Variants in DIAPH2 observed in about 807,000 individuals in gnomAD.
The protein encoded by DIAPH2 is protein diaphanous homolog 2.
Under a neutral mutation model 92.7 loss-of-function variants are expected in DIAPH2, and 35 were observed. That is an observed-to-expected ratio of 0.38 (90% CI 0.29 to 0.50). The LOEUF is 0.50. Ranked by LOEUF, DIAPH2 falls within the 20% of genes least tolerant of loss-of-function variation. The pLI is 0.94. For synonymous variants in DIAPH2, 301 were observed against 280.4 expected, an observed-to-expected ratio of 1.07 and a Z score of -0.73; for missense variants, 701 against 819.5, an observed-to-expected ratio of 0.86 and a Z score of 1.77.
intron 26 of DIAPH2, among the ~76,000 whole-genome samples, chrX:97,437,188 T>C (rs1469668441): frequency 8.9e-6 from 1 of 112,054 alleles, no homozygotes; most frequent in East Asian, 2.8e-4. Flanking sequence ...TGTTTACTTC[T>C]TTCTCCCTGA....
chrX:96,904,013 A>G (rs1823142558), intron 5 of DIAPH2, among the ~76,000 whole-genome samples: 1 of 112,530 alleles, frequency 8.9e-6, no homozygotes, highest in African/African-American at 3.2e-5. Flanking sequence ...TATGCAATAT[A>G]AACAGCTAGA....
At chrX:97,544,718 C>T (rs2147859084) in intron 26 of DIAPH2, among the ~76,000 whole-genome samples, 1 of 112,012 alleles carries the variant, frequency 8.9e-6, no homozygotes, top group South Asian at 3.7e-4. Flanking sequence ...ACTACCAGAG[C>T]TTCAGCAGTG....
intron 17 of DIAPH2, among the ~76,000 whole-genome samples, chrX:96,979,990 AAC>A (rs1323705920): frequency 9.0e-6 from 1 of 110,595 alleles, no homozygotes; most frequent in Non-Finnish European, 1.9e-5. Context: ...GCAGAAGCAA[AAC>A]TCTGGTGCGG....
chrX:97,241,631 A>G (rs2068095036), intron 22 of DIAPH2, among the ~76,000 whole-genome samples: 1 of 110,553 alleles, frequency 9.0e-6, no homozygotes, highest in Non-Finnish European at 1.9e-5. Context: ...CAGAAGGACT[A>G]GTTGAAGGAA....
intron 24 of DIAPH2, among the ~76,000 whole-genome samples, chrX:97,356,631 T>A (rs763787986): frequency 8.0e-5 from 9 of 111,910 alleles, no homozygotes; most frequent in African/African-American, 2.9e-4. Flanking sequence ...CTATCAAATG[T>A]TGTATTCTCT....
At chrX:96,902,090 T>G (rs2065401512) in intron 5 of DIAPH2, among the ~76,000 whole-genome samples, 1 of 112,035 alleles carries the variant, frequency 8.9e-6, no homozygotes, top group Non-Finnish European at 1.9e-5. Context: ...TTTGCATAGC[T>G]TTGAGGGTTC....
intron 17 of DIAPH2, among the ~76,000 whole-genome samples, chrX:97,058,488 G>A (rs2066573776): frequency 1.0e-5 from 1 of 96,680 alleles, no homozygotes; most frequent in African/African-American, 3.8e-5. Flanking sequence ...TAAGTATTTA[G>A]ACTATGCTTG....
chrX:96,829,980 A>G (rs926557198), intron 4 of DIAPH2, among the ~76,000 whole-genome samples: 2 of 109,391 alleles, frequency 1.8e-5, no homozygotes, highest in Non-Finnish European at 3.8e-5. Context: ...CTGGAACGGA[A>G]GTGCACTGAA....
intron 26 of DIAPH2, among the ~76,000 whole-genome samples, chrX:97,490,847 C>T (rs1189377911): frequency 9.0e-6 from 1 of 111,487 alleles, no homozygotes; most frequent in African/African-American, 3.3e-5. Flanking sequence ...GGAGAATGTT[C>T]CATGTGTGCA....
At chrX:97,466,742 G>C (rs2070515961) in intron 26 of DIAPH2, among the ~76,000 whole-genome samples, 1 of 112,133 alleles carries the variant, frequency 8.9e-6, no homozygotes, top group South Asian at 3.7e-4. Flanking sequence ...TGCAAGTACA[G>C]ACCAAAGCCC....
At chrX:96,979,523 A>G (rs1018270040) in intron 17 of DIAPH2, among the ~76,000 whole-genome samples, 3 of 112,222 alleles carry the variant, frequency 2.7e-5, no homozygotes, top group South Asian at 3.7e-4. Flanking sequence ...AATTTAACCA[A>G]TTCTTCATTT....
chrX:96,991,160 G>A (rs1353736390), intron 17 of DIAPH2, among the ~76,000 whole-genome samples: 1 of 108,602 alleles, frequency 9.2e-6, no homozygotes, highest in African/African-American at 3.4e-5. Flanking sequence ...TGTTACCCAG[G>A]CTGGAGTGCA....
At chrX:97,273,442 A>G (rs924891819) in intron 23 of DIAPH2, among the ~76,000 whole-genome samples, 30 of 112,099 alleles carry the variant, frequency 2.7e-4, no homozygotes, top group African/African-American at 9.7e-4. Flanking sequence ...CATGATAAAT[A>G]CATTGTGTTT....
intron 22 of DIAPH2, among the ~76,000 whole-genome samples, chrX:97,146,975 G>A (rs1232341980): frequency 9.0e-6 from 1 of 111,157 alleles, no homozygotes; most frequent in African/African-American, 3.3e-5. Flanking sequence ...GAATTAGAGA[G>A]CAGTTTTGTT....
chrX:97,191,140 C>T (rs2067649785), intron 22 of DIAPH2, among the ~76,000 whole-genome samples: 1 of 109,971 alleles, frequency 9.1e-6, no homozygotes, highest in South Asian at 3.9e-4. Flanking sequence ...ACCATTCTGA[C>T]CAACCTGGTG....
intron 21 of DIAPH2, among the ~76,000 whole-genome samples, chrX:97,122,903 A>G (rs1407874751): frequency 9.0e-6 from 1 of 111,649 alleles, no homozygotes; most frequent in African/African-American, 3.3e-5. Flanking sequence ...ATTCTATGCT[A>G]CACCAAATGC....
At chrX:96,991,876 C>CT (rs2066074675) in intron 17 of DIAPH2, among the ~76,000 whole-genome samples, 1 of 111,258 alleles carries the variant, frequency 9.0e-6, no homozygotes, top group Non-Finnish European at 1.9e-5. Context: ...CTTCAGTGTA[C>CT]TTTAAGTGCA....
At chrX:97,117,379 G>C (rs755991822) in intron 21 of DIAPH2, among the ~76,000 whole-genome samples, 2 of 111,842 alleles carry the variant, frequency 1.8e-5, no homozygotes, top group South Asian at 7.4e-4. Context: ...AGCTAGAATT[G>C]CTGTTTAATT....
At chrX:97,129,231 A>G (rs1035090980) in intron 21 of DIAPH2, among the ~76,000 whole-genome samples, 4 of 103,304 alleles carry the variant, frequency 3.9e-5, no homozygotes, top group South Asian at 4.5e-4. Context: ...TAGTGGTGCA[A>G]TCTGAGCTCA....
Sources: gnomAD v4.1 joint callset for allele counts (sites outside exome capture counted in the v4.1 genomes callset) on GRCh38, gnomAD v4.1.1 for gene constraint, MANE v1.5 for transcripts, NCBI Gene and HGNC (gene_info 2026-07-23, HGNC 2026-07-21) for gene names.